Variants in PHC2 observed in about 807,000 individuals in gnomAD.
The protein encoded by PHC2 is polyhomeotic homolog 2.
Under a neutral mutation model 87.4 loss-of-function variants are expected in PHC2, and 29 were observed. That is an observed-to-expected ratio of 0.33 (90% CI 0.25 to 0.45). The LOEUF (loss-of-function observed/expected upper bound fraction) is 0.45. Among genes scored for constraint, PHC2 ranks in the 20% least tolerant of loss-of-function variants. PHC2 has a pLI of 1.00. For synonymous variants in PHC2, 438 were observed against 461.7 expected (o/e 0.95, Z 0.66); for missense variants, 857 against 1,136.7 (o/e 0.75, Z 3.54).
intron 9 of PHC2, among the ~76,000 whole-genome samples, chr1:33,352,429 G>A (rs955427276): frequency 6.6e-6 from 1 of 152,164 alleles, no homozygotes; most frequent in African/African-American, 2.4e-5. Context: ...GATGATAAAA[G>A]TTGCTACCTC....
At chr1:33,380,806 A>G (rs1648456136) in intron 1 of PHC2, among the ~76,000 whole-genome samples, 1 of 152,142 alleles carries the variant, frequency 6.6e-6, no homozygotes, top group Admixed American at 6.5e-5. Flanking sequence ...CCACCCCACA[A>G]GCTGCTCCAT....
At chr1:33,371,578 G>A (rs945028367) in intron 3 of PHC2, among the ~76,000 whole-genome samples, 1 of 152,168 alleles carries the variant, frequency 6.6e-6, no homozygotes, top group Non-Finnish European at 1.5e-5. Context: ...GACATGAGCT[G>A]GAGTGTCCAA....
chr1:33,388,201 T>C lies in PHC2; in HGVS notation c.-54-12608A>G, dbSNP rs563012473. ...TTTATAAGAAAGAGGAGGAGCTTCA[T>C]AGTTGGAGAAAGCTGTCTTGATTCC... On this transcript the variant is annotated intron_variant, in intron 1 of 14. Coordinates refer to ENST00000683057, the MANE Select transcript of PHC2 (RefSeq NM_001385109.1). Among the ~76,000 whole-genome samples, 156 of 152,190 alleles carry C rather than the reference T, an allele frequency of 1.0e-3. 1 individual carries two copies. The highest frequency in any genetic ancestry group is 3.5e-3 in the African/African-American group (147 of 41,528).
At chr1:33,361,824 G>A in intron 7 of PHC2, among the ~76,000 whole-genome samples, 1 of 152,218 alleles carries the variant, frequency 6.6e-6, no homozygotes, top group East Asian at 1.9e-4. Context: ...GTGATAAGCT[G>A]GGTGGTGATG....
chr1:33,424,359 G>A (rs1650583750), intron 1 of PHC2, among the ~76,000 whole-genome samples: 1 of 152,060 alleles, frequency 6.6e-6, no homozygotes, highest in Admixed American at 6.5e-5. Context: ...TCCCCCATTA[G>A]AAAGAGAACA....
chr1:33,338,692 A>T (rs1646687941), intron 9 of PHC2, among the ~76,000 whole-genome samples: 1 of 152,224 alleles, frequency 6.6e-6, no homozygotes, highest in African/African-American at 2.4e-5. Context: ...AAAAGAGACA[A>T]AGAAATACTC....
intron 9 of PHC2, chr1:33,335,434 GAGTGATATATA>G: frequency 1.3e-5 from 8 of 635,064 alleles, no homozygotes; most frequent in East Asian, 1.4e-4. Flanking sequence ...AGTGAGGTAT[GAGTGATATATA>G]CTTTAAAAGT....
intron 9 of PHC2, chr1:33,353,159 GA>G (rs1355845210): frequency 4.6e-5 from 7 of 152,208 alleles, no homozygotes; most frequent in African/African-American, 1.7e-4. Flanking sequence ...CCAGAATGGT[GA>G]GAATGGAGGT....
intron 4 of PHC2, 125 bp downstream of exon 4, chr1:33,370,892 G>C: frequency 1.2e-6 from 1 of 823,856 alleles, no homozygotes; most frequent in Non-Finnish European, 2.1e-6. Flanking sequence ...TTTTCTTCCC[G>C]GTAAGGGCAA....
intron 9 of PHC2, among the ~76,000 whole-genome samples, chr1:33,341,301 C>T (rs1646740924): frequency 6.6e-6 from 1 of 152,212 alleles, no homozygotes; most frequent in Non-Finnish European, 1.5e-5. Context: ...CCGGGTGGGC[C>T]ACACAGGTGG....
chr1:33,335,973 T>G (rs1437665096), intron 9 of PHC2, among the ~76,000 whole-genome samples: 6 of 122,516 alleles, frequency 4.9e-5, no homozygotes, highest in Non-Finnish European at 4.9e-5. Context: ...CAAGCTCATG[T>G]TTTTGTTGTT....
chr1:33,410,489 C>G (rs1649940821), intron 1 of PHC2, among the ~76,000 whole-genome samples: 1 of 152,198 alleles, frequency 6.6e-6, no homozygotes, highest in Admixed American at 6.5e-5. Context: ...GGGTTTGACC[C>G]CACAGCCTGT....
intron 1 of PHC2, among the ~76,000 whole-genome samples, chr1:33,412,273 C>T (rs1650014770): frequency 6.6e-6 from 1 of 152,162 alleles, no homozygotes; most frequent in Admixed American, 6.5e-5. Flanking sequence ...GTAACTCGAC[C>T]AGGGTTACAA....
At chr1:33,339,846 G>GTTGGGAT (rs1457966492) in intron 9 of PHC2, among the ~76,000 whole-genome samples, 7 of 152,328 alleles carry the variant, frequency 4.6e-5, no homozygotes, top group African/African-American at 1.7e-4. Flanking sequence ...ATACTTACTG[G>GTTGGGAT]TTGAGCATCC....
rs557145319 is a variant in PHC2, at chr1:33,378,685, C to T, written c.-54-3092G>A. Among the ~76,000 whole-genome samples the T allele has an allele frequency of 4.6e-5, 7 of 152,206 alleles. No homozygotes were observed. The East Asian group carries it at 5.8e-4, about 13-fold the overall frequency. On this transcript the variant is annotated intron_variant, in intron 1 of 14. Transcript: ENST00000683057. ...CTGACCTTCCCTCCTCTATCCTTCA[C>T]GTGATTGAGAGAGCAATCAAGAGAG...
chr1:33,395,772 A>G (rs1020830222), intron 1 of PHC2, among the ~76,000 whole-genome samples: 1 of 152,234 alleles, frequency 6.6e-6, no homozygotes, highest in African/African-American at 2.4e-5. Context: ...ACATTGGGGT[A>G]AAAGACAAAT....
In PHC2 at chr1:33,332,333, A is replaced by C; in HGVS notation, c.1833T>G (p.Leu611=). 2 of 1,614,046 alleles carry C rather than the reference A, an allele frequency of 1.2e-6. No individual in the cohort carries two copies. Among genetic ancestry groups the C allele is most frequent in the Non-Finnish European group, 1.7e-6 (2 of 1,180,004 alleles). Reference sequence around the variant, plus strand: ...TGGTGGTGGTGTGATCCTGCTGTGGAAGTTTCTCAGGCAGGAACCCCTGTG... The same window carrying C: ...TGGTGGTGGTGTGATCCTGCTGTGGCAGTTTCTCAGGCAGGAACCCCTGTG... ...KYAQGFLPEK[L]PQQDHTTTTD... Residue 611 remains leucine, a synonymous_variant, in exon 11 of 15, where the codon CTT becomes CTG. Transcript: ENST00000683057. This position sits in a 1 kb window ranked among gnomAD's most constrained non-coding sequence, Gnocchi z 4.2.
intron 1 of PHC2, among the ~76,000 whole-genome samples, chr1:33,410,952 G>T (rs752566928): frequency 7.9e-5 from 12 of 152,016 alleles, no homozygotes; most frequent in Non-Finnish European, 1.0e-4. Context: ...CTAACTATGG[G>T]GGTCCTTGTT....
At chr1:33,346,432 C>T in intron 9 of PHC2, 1 of 985,340 alleles carries the variant, frequency 1.0e-6, no homozygotes, top group Non-Finnish European at 1.2e-6. Flanking sequence ...GAAGACTCCT[C>T]ATTCTCATTT....
Sources: allele counts gnomAD v4.1 joint callset (sites outside exome capture counted in the v4.1 genomes callset), GRCh38; gene constraint gnomAD v4.1.1; non-coding constraint Gnocchi (gnomAD v3.1); transcripts MANE v1.5; gene names NCBI Gene and HGNC (gene_info 2026-07-23, HGNC 2026-07-21).